The following PTPN3 variants were observed in gnomAD, a reference collection of about 807,000 sequenced individuals.
PTPN3 encodes the protein tyrosine-protein phosphatase non-receptor type 3.
PTPN3 carries 96 observed loss-of-function variants against 132.7 expected under a neutral mutation model. That is an observed-to-expected ratio of 0.72 (90% CI 0.61 to 0.86). The LOEUF is 0.86. Ranked by LOEUF, PTPN3 falls within the 40% of genes least tolerant of loss-of-function variation. The pLI is 0.00. For missense variants in PTPN3, 1,125 were observed against 1,159.6 expected (o/e 0.97, Z 0.43); for synonymous variants, 398 against 429.0 (o/e 0.93, Z 0.89).
chr9:109,451,968 T>C (rs141510709), intron 5 of PTPN3, among the ~76,000 whole-genome samples: 340 of 152,090 alleles, frequency 2.2e-3, no homozygotes, highest in Non-Finnish European at 4.0e-3. Flanking sequence ...AGTTGGCAAG[T>C]TTTTAAAAAA....
chr9:109,490,008 C>T (rs1040762463), intron 1 of PTPN3, among the ~76,000 whole-genome samples: 8 of 151,768 alleles, frequency 5.3e-5, no homozygotes, highest in Non-Finnish European at 1.0e-4. Context: ...ATGGCAAAAC[C>T]TCATCTCTAT....
At chr9:109,476,621 C>A (rs573579353) in intron 1 of PTPN3, among the ~76,000 whole-genome samples, 2 of 152,204 alleles carry the variant, frequency 1.3e-5, no homozygotes, top group South Asian at 4.2e-4. Context: ...GGGGTCTTGC[C>A]AGGCCAGAGT....
chr9:109,500,165 G>A (rs911225886), upstream of PTPN3, among the ~76,000 whole-genome samples: 2 of 152,226 alleles, frequency 1.3e-5, no homozygotes, highest in African/African-American at 4.8e-5. Flanking sequence ...GAACGTGAAC[G>A]TGTTTAGACC....
Position 109,422,807 on chromosome 9 carries a change from C to A in PTPN3, c.1047G>T (p.Val349=), listed in dbSNP as rs1026056186. 14 of 1,612,738 alleles carry A rather than the reference C, an allele frequency of 8.7e-6. No individual in the cohort carries two copies. Among genetic ancestry groups the A allele is most frequent in the Non-Finnish European group, 1.1e-5 (13 of 1,178,878 alleles). ...AGGATCTCCGCATGGCTGGGTTCCA[C>A]ACCATCCCGCCAATCACCTTTTTGC... The part of the protein sequence containing the change: ...QYCKKVIGGM[V]WNPAMRRSLS... Residue 349 remains valine, a synonymous_variant, in exon 13 of 26, where the codon GTG becomes GTT. Transcript: ENST00000374541.
chr9:109,391,877 G>GC lies in PTPN3; in HGVS notation c.1954-317_1954-316insG, dbSNP rs998934679. ...GCTAAAAGCAACTAGATGTGGGGGGGGGGGGGAAGAATTCTGGCTCAAAAT... is the reference window on the plus strand; with the variant it reads ...GCTAAAAGCAACTAGATGTGGGGGGGCGGGGGGAAGAATTCTGGCTCAAAAT... On this transcript the variant is annotated intron_variant, in intron 19 of 25. Coordinates refer to ENST00000374541, the MANE Select transcript of PTPN3 (RefSeq NM_002829.4). Among the ~76,000 whole-genome samples, 45 of 101,120 alleles carry GC rather than the reference G, an allele frequency of 4.5e-4. 3 individuals are homozygous for GC. The South Asian group carries it at 0.013, about 29-fold the overall frequency. 66.3% of individuals were successfully genotyped at this position (101,120 alleles called of 152,430 possible).
chr9:109,508,666 T>C, the PTPN3 span, among the ~76,000 whole-genome samples: 1 of 152,214 alleles, frequency 6.6e-6, no homozygotes, highest in African/African-American at 2.4e-5. Context: ...ATCTAAAGGT[T>C]CTTTGTCAAA....
At chr9:109,536,667 C>G in the PTPN3 span, among the ~76,000 whole-genome samples, 1 of 152,030 alleles carries the variant, frequency 6.6e-6, no homozygotes, top group Non-Finnish European at 1.5e-5. Context: ...GTATGTAAGG[C>G]TTTGAATATG....
chr9:109,457,037 A>C, intron 4 of PTPN3, 136 bp downstream of exon 4: 1 of 818,328 alleles, frequency 1.2e-6, no homozygotes. Flanking sequence ...GACAGGGAGA[A>C]GTCGGCTCAC....
intron 10 of PTPN3, among the ~76,000 whole-genome samples, chr9:109,429,328 C>T (rs541943281): frequency 6.6e-6 from 1 of 152,158 alleles, no homozygotes; most frequent in African/African-American, 2.4e-5. Flanking sequence ...AGGACCTGCA[C>T]CCCGGTCTCA....
At chr9:109,392,043 T>C (rs919286647) in intron 19 of PTPN3, among the ~76,000 whole-genome samples, 1 of 152,158 alleles carries the variant, frequency 6.6e-6, no homozygotes, top group Non-Finnish European at 1.5e-5. Flanking sequence ...TATCCCAATA[T>C]ATAGTACATT....
At chr9:109,448,329 G>A (rs1035851562) in intron 6 of PTPN3, among the ~76,000 whole-genome samples, 1 of 152,106 alleles carries the variant, frequency 6.6e-6, no homozygotes, top group African/African-American at 2.4e-5. Flanking sequence ...GGTAGCTCAG[G>A]GACCATCGGC....
intron 5 of PTPN3, chr9:109,451,450 C>G: frequency 1.1e-6 from 1 of 907,212 alleles, no homozygotes; most frequent in Non-Finnish European, 1.3e-6. Context: ...GACAGACACA[C>G]ACTGTTTATT....
chr9:109,482,578 T>C (rs1310337900), intron 1 of PTPN3, among the ~76,000 whole-genome samples: 1 of 152,212 alleles, frequency 6.6e-6, no homozygotes, highest in African/African-American at 2.4e-5. Context: ...TAATGCTTTA[T>C]TGGTGCTAGG....
chr9:109,416,157 C>A (rs1262478707), intron 14 of PTPN3, among the ~76,000 whole-genome samples: 2 of 152,178 alleles, frequency 1.3e-5, no homozygotes, highest in African/African-American at 4.8e-5. Flanking sequence ...GGAACAGTAA[C>A]CAAGGCTGGC....
Position 109,410,519 on chromosome 9 carries a change from C to T in PTPN3, c.1314-104G>A. The stretch of plus-strand genomic sequence containing the variant: ...TGGCAGCTGGGGGCTGTATGTTTCC[C>T]TGGAACCTCAGCTGCATAGGTTGTC... On this transcript the variant is annotated intron_variant, in intron 14 of 25. Coordinates refer to ENST00000374541, the MANE Select transcript of PTPN3 (RefSeq NM_002829.4). The T allele has an allele frequency of 5.5e-6, 7 of 1,283,266 alleles. No homozygotes were observed. In the South Asian group the frequency reaches 9.9e-5, roughly 18 times the overall value. 79.5% of individuals were successfully genotyped at this position (1,283,266 alleles called of 1,614,324 possible).
chr9:109,391,094 A>G (rs374990800), intron 21 of PTPN3, 44 bp downstream of exon 21: 107 of 1,561,002 alleles, frequency 6.9e-5, no homozygotes, highest in Non-Finnish European at 8.6e-5. Context: ...TCGTTGCGAC[A>G]GTGGTGAATG....
intron 1 of PTPN3, among the ~76,000 whole-genome samples, chr9:109,497,403 G>A (rs554796683): frequency 2.1e-4 from 32 of 152,272 alleles, no homozygotes; most frequent in Non-Finnish European, 3.5e-4. Flanking sequence ...GGAAACTGAG[G>A]ACCAGAGAGG....
At chr9:109,412,810 T>C (rs560840300) in intron 14 of PTPN3, among the ~76,000 whole-genome samples, 157 of 152,190 alleles carry the variant, frequency 1.0e-3, no homozygotes, top group African/African-American at 3.5e-3. Flanking sequence ...CCCAGCCCTA[T>C]TTTTCTTTTT....
intron 22 of PTPN3, among the ~76,000 whole-genome samples, chr9:109,388,185 A>G (rs1185678785): frequency 6.6e-6 from 1 of 152,184 alleles, no homozygotes; most frequent in Non-Finnish European, 1.5e-5. Flanking sequence ...ATGGACTCCT[A>G]ATCTGGAAGA....
Sources: allele counts gnomAD v4.1 joint callset (sites outside exome capture counted in the v4.1 genomes callset), GRCh38; gene constraint gnomAD v4.1.1; transcripts MANE v1.5; gene names NCBI Gene and HGNC (gene_info 2026-07-23, HGNC 2026-07-21).